Variants in VPS13D observed in about 807,000 individuals in gnomAD.
The protein encoded by VPS13D is intermembrane lipid transfer protein VPS13D.
In VPS13D, 187 loss-of-function variants were observed where a neutral mutation model predicts 461.9. The ratio of observed to expected loss-of-function variants is 0.40; its 90% CI spans 0.36 to 0.46. VPS13D has a LOEUF of 0.46. Among genes scored for constraint, VPS13D ranks in the 20% least tolerant of loss-of-function variants. The pLI, the probability that VPS13D is intolerant of heterozygous loss-of-function variation, is 0.60. For synonymous variants in VPS13D, 1,951 were observed against 1,986.3 expected (o/e 0.98, Z 0.47); for missense variants, 4,711 against 5,364.9 (o/e 0.88, Z 3.81).
chr1:12,337,320 C>T (rs547614744), intron 39 of VPS13D: 1 of 152,260 alleles, frequency 6.6e-6, no homozygotes, highest in East Asian at 1.9e-4. Flanking sequence ...AGCAGGCCTA[C>T]TAAAATGATC....
intron 17 of VPS13D, among the ~76,000 whole-genome samples, chr1:12,271,638 C>T (rs1641443528): frequency 6.6e-6 from 1 of 151,938 alleles, no homozygotes; most frequent in African/African-American, 2.4e-5. Context: ...CACTGCACTC[C>T]AGCCTGGGCA....
At chr1:12,332,964 C>T (rs1643367567) in intron 37 of VPS13D, among the ~76,000 whole-genome samples, 1 of 152,170 alleles carries the variant, frequency 6.6e-6, no homozygotes, top group Admixed American at 6.5e-5. Flanking sequence ...AGGGCACATA[C>T]ACTGCCTGCC....
intron 35 of VPS13D, among the ~76,000 whole-genome samples, chr1:12,324,147 G>A (rs1167643975): frequency 6.6e-6 from 1 of 152,108 alleles, no homozygotes; most frequent in African/African-American, 2.4e-5. Context: ...GACTTCAAGT[G>A]ATCTGCCCGC....
At chr1:12,307,510 G>C (rs1642600311) in intron 26 of VPS13D, among the ~76,000 whole-genome samples, 1 of 152,028 alleles carries the variant, frequency 6.6e-6, no homozygotes, top group Admixed American at 6.5e-5. Flanking sequence ...TTTCTTTTTT[G>C]TTTTGAGATG....
At chr1:12,352,104 A>T (rs1242426106) in intron 46 of VPS13D, among the ~76,000 whole-genome samples, 1 of 151,780 alleles carries the variant, frequency 6.6e-6, no homozygotes, top group African/African-American at 2.4e-5. Flanking sequence ...AGCCTGGCCA[A>T]TATGGTGAAA....
At chr1:12,369,402 G>C (rs2101626713) in intron 53 of VPS13D, 65 bp from the exon 54 acceptor site, 1 of 1,454,570 alleles carries the variant, frequency 6.9e-7, no homozygotes, top group Non-Finnish European at 9.6e-7. Context: ...ACAAAGCACT[G>C]ACTCACTTTT....
At position 12,268,698 on chromosome 1, in the gene VPS13D, T is replaced by G. The variant is rs370948040; in HGVS notation, c.1802-8T>G. 1.2e-6 allele frequency: 2 copies of G among 1,611,962 alleles called. No homozygotes were observed. Among genetic ancestry groups the G allele is most frequent in the Non-Finnish European group, 1.7e-6 (2 of 1,179,406 alleles). Reference sequence around the variant, plus strand: ...GTTCCGTGTTCTTATTCCTGTTCTTTCCTTTAGCTGCAGATCCAGATGGCC... The same window carrying G: ...GTTCCGTGTTCTTATTCCTGTTCTTGCCTTTAGCTGCAGATCCAGATGGCC... On this transcript the variant is annotated splice_polypyrimidine_tract_variant and splice_region_variant and intron_variant, in intron 15 of 69. Transcript: ENST00000620676.
intron 35 of VPS13D, among the ~76,000 whole-genome samples, chr1:12,326,359 T>C (rs2101541644): frequency 6.8e-6 from 1 of 147,324 alleles, no homozygotes; most frequent in East Asian, 2.0e-4. Context: ...AGATACTGGG[T>C]TTTGCTCTGT....
chr1:12,343,181 T>G, intron 42 of VPS13D, 130 bp downstream of exon 42: 1 of 780,954 alleles, frequency 1.3e-6, no homozygotes, highest in Non-Finnish European at 1.7e-6. Context: ...CTTATTTTAT[T>G]TTATTTTTGA....
At position 12,253,784 on chromosome 1, in the gene VPS13D, C is replaced by T. The variant is rs150048612; in HGVS notation, c.627C>T (p.Val209=). 7.2e-5 allele frequency: 117 copies of T among 1,613,888 alleles called. No homozygotes were observed. The African/African-American group carries it at 1.3e-3, about 18-fold the overall frequency. Residue 209 remains valine (V), a synonymous_variant, in exon 7 of 70, where the codon GTC becomes GTT. Coordinates refer to ENST00000620676, the MANE Select transcript of VPS13D (RefSeq NM_015378.4). ...DVAEFSIYWD[V]DCTLLGDLPQ... ...CAGAATTTAGCATCTATTGGGATGT[C>T]GATTGCACTTTACTGGGGGATTTGC...
At chr1:12,400,962 G>GCGCGCACACA (rs1253464149) in intron 61 of VPS13D, among the ~76,000 whole-genome samples, 28 of 106,214 alleles carry the variant, frequency 2.6e-4, no homozygotes, top group African/African-American at 8.4e-4. Context: ...CTGCGCGCGC[G>GCGCGCACACA]CACACACACA....
At chr1:12,256,550 ACTG>A in intron 8 of VPS13D, 47 bp downstream of exon 8, 1 of 1,596,914 alleles carries the variant, frequency 6.3e-7, no homozygotes, top group Non-Finnish European at 8.6e-7. Context: ...CAAACTGGTG[ACTG>A]CAGTGAAAGT....
chr1:12,378,680 A>G, intron 56 of VPS13D, 89 bp downstream of exon 56: 7 of 1,307,184 alleles, frequency 5.4e-6, no homozygotes, highest in Non-Finnish European at 7.0e-6. Context: ...GAGTTCTATA[A>G]ATAAAGTAAA....
rs1642514873 is a variant in VPS13D at position 12,304,720 on chromosome 1, G to A, written c.6431G>A (p.Ser2144Asn). 1 of 1,613,876 alleles carries A rather than the reference G, an allele frequency of 6.2e-7. No individual in the cohort carries two copies. The highest frequency in any genetic ancestry group is 1.7e-5 in the Admixed American group (1 of 60,028). The part of the protein sequence containing the change: ...QPTLSVGQES[S>N]SPEDHVCLLD... ...ACACTGTCTGTTGGCCAAGAGTCCA[G>A]TAGTCCAGGTAAAAGAGGAGAAAAG... Residue 2144 changes from serine to asparagine, a missense_variant, in exon 26 of 70, where the codon AGT becomes AAT. Ser to Asn is a conservative substitution (Grantham distance 46). Coordinates refer to ENST00000620676, the MANE Select transcript of VPS13D (RefSeq NM_015378.4).
In VPS13D at chr1:12,368,489, C is replaced by T; in HGVS notation, c.10470C>T (p.Phe3490=). The change falls in exon 53 of 70, where the codon TTC becomes TTT. Residue 3490 remains phenylalanine (F), a synonymous_variant. Transcript: ENST00000620676. ...GCAGGGATACCTTGGGAAAATGCTT[C>T]TTCCTACGAGTGGAAATTACTCTCC... ...INMRDTLGKC[F]FLRVEITLRG... is the part of the protein sequence containing the mutation. 1.2e-6 allele frequency: 2 copies of T among 1,612,636 alleles called. No individual in the cohort carries two copies. The highest frequency in any genetic ancestry group is 1.7e-6 in the Non-Finnish European group (2 of 1,179,286).
At chr1:12,241,010 A>G (rs1210923116) in intron 2 of VPS13D, among the ~76,000 whole-genome samples, 1 of 151,982 alleles carries the variant, frequency 6.6e-6, no homozygotes, top group African/African-American at 2.4e-5. Flanking sequence ...GTGTGAGTAT[A>G]GCTCACTGCA....
chr1:12,422,127 C>A (rs772561429), intron 65 of VPS13D, among the ~76,000 whole-genome samples: 1 of 152,210 alleles, frequency 6.6e-6, no homozygotes, highest in Non-Finnish European at 1.5e-5. Context: ...CTGCGCCCAG[C>A]CTCATCCCCT....
At chr1:12,447,922 G>A (rs1246964561) in intron 65 of VPS13D, among the ~76,000 whole-genome samples, 1 of 152,158 alleles carries the variant, frequency 6.6e-6, no homozygotes, top group Non-Finnish European at 1.5e-5. Context: ...TCCAGAATGG[G>A]CATGAGGTGA....
In VPS13D at chr1:12,276,109, A is replaced by C. The variant is rs1641603410; in HGVS notation, c.2521A>C (p.Ile841Leu). The change falls in exon 19 of 70, where the codon ATT becomes CTT. Residue 841 changes from isoleucine (I) to leucine (L), a missense_variant. By Grantham distance (5) the Ile-to-Leu change is conservative. Around this residue, in one of 3 missense-constraint regions of VPS13D, gnomAD observed 4,411 missense variants for 4,937.8 expected, o/e 0.89. Transcript: ENST00000620676. The surrounding 1 kb of genome is among the most constrained non-coding windows in gnomAD (Gnocchi z 4.5). ...VKDNWKHVQDIDVGPTHVVEK... is the reference protein window; with the variant it reads ...VKDNWKHVQDLDVGPTHVVEK... ...AGACAATTGGAAGCATGTCCAGGAT[A>C]TTGACGTGGGACCAACACATGTGGT... 1.2e-6 allele frequency: 2 copies of C among 1,614,148 alleles called. No homozygotes were observed. Among genetic ancestry groups the C allele is most frequent in the Admixed American group, 3.3e-5 (2 of 60,020 alleles).
Sources: allele counts gnomAD v4.1 joint callset (sites outside exome capture counted in the v4.1 genomes callset), GRCh38; gene constraint gnomAD v4.1.1; regional missense constraint gnomAD v4.1.1; non-coding constraint Gnocchi (gnomAD v3.1); transcripts MANE v1.5; gene names NCBI Gene and HGNC (gene_info 2026-07-23, HGNC 2026-07-21).